The following TBRG1 variants were observed in gnomAD, a reference collection of about 807,000 sequenced individuals.
TBRG1 encodes the protein transforming growth factor beta regulator 1, also known as nuclear interactor of ARF and MDM2.
TBRG1 carries 31 observed loss-of-function variants against 44.0 expected under a neutral mutation model. That is an observed-to-expected ratio of 0.70 (90% CI 0.53 to 0.95). The LOEUF is 0.95. TBRG1 is among the 40% of genes least tolerant of loss of function. The pLI is 0.00. For missense variants in TBRG1, 487 were observed against 496.1 expected (o/e 0.98, Z 0.18); for synonymous variants, 171 against 188.1 (o/e 0.91, Z 0.74).
chr11:124,623,251 TC>T lies in TBRG1; in HGVS notation c.150+19del. The T allele has an allele frequency of 1.3e-6, 2 of 1,551,372 alleles. No homozygotes were observed. Among genetic ancestry groups the T allele is most frequent in the Non-Finnish European group, 1.7e-6 (2 of 1,146,974 alleles). ...CGGTGTTTGTGAGTCTGACCCACGT[TC>T]AGCCGGTCCCCTCCTGGAGACTCCC... On this transcript the variant is annotated intron_variant, in intron 1 of 8. Transcript: ENST00000441174.
In TBRG1 at chr11:124,624,961, C is replaced by A; in HGVS notation, c.181C>A (p.Arg61Ser). Residue 61 changes from arginine to serine, a missense_variant, in exon 2 of 9, where the codon CGT (arginine) becomes AGT (serine). Transcript: ENST00000441174. Reference sequence around the variant, plus strand: ...TGCTGCTATTTGTGATGAAATTGCTCGTCTTGAGGAAAAATTTCTTAAAGC... The same window carrying A: ...TGCTGCTATTTGTGATGAAATTGCTAGTCTTGAGGAAAAATTTCTTAAAGC... ...ENAAICDEIARLEEKFLKAKE... is the reference protein window; with the variant it reads ...ENAAICDEIASLEEKFLKAKE... The A allele has an allele frequency of 1.9e-6, 3 of 1,548,274 alleles. No individual in the cohort carries two copies. Among genetic ancestry groups the A allele is most frequent in the Non-Finnish European group, 2.6e-6 (3 of 1,145,014 alleles).
chr11:124,625,082 G>C (rs997253045), intron 2 of TBRG1, 81 bp downstream of exon 2: 21 of 1,026,316 alleles, frequency 2.0e-5, no homozygotes, highest in Admixed American at 7.2e-5. Flanking sequence ...CTGCTCTGGA[G>C]ACTTTTTTTC....
At position 124,623,011 on chromosome 11, in the gene TBRG1, GCGCTCCCGCC is replaced by G; in HGVS notation, c.-65_-56del. ...CGCTAGCCCGGAACAGACAAAGCCAGCGCTCCCGCCCGCTCCCCGACTTAGGATCCGATGC... is the reference window on the plus strand; with the variant it reads ...CGCTAGCCCGGAACAGACAAAGCCAGCGCTCCCCGACTTAGGATCCGATGC... On this transcript the variant is annotated 5_prime_UTR_variant, in exon 1 of 9. Transcript: ENST00000441174. 7.0e-7 allele frequency: 1 copy of G among 1,438,564 alleles called. No individual in the cohort carries two copies. Among genetic ancestry groups the G allele is most frequent in the Non-Finnish European group, 9.2e-7 (1 of 1,089,488 alleles). The allele number at this position is 1,438,564 out of a possible 1,614,324, so 89.1% of individuals were successfully genotyped here.
In TBRG1 at chr11:124,635,730, G is replaced by T. The variant is rs780785743; in HGVS notation, c.*3492G>T. ...AGGGGAGGAAAGCTACCCATAGATA[G>T]TATTCTTACTCCTTTTCACATGCTT... On this transcript the variant is annotated 3_prime_UTR_variant, in exon 9 of 9. Transcript: ENST00000441174. 6.6e-6 allele frequency: 1 copy of T among 152,166 alleles called. No individual in the cohort carries two copies. The highest frequency in any genetic ancestry group is 1.5e-5 in the Non-Finnish European group (1 of 68,036). The allele number at this position is 152,166 out of a possible 1,614,324, so 9.4% of individuals were successfully genotyped here.
In TBRG1 at chr11:124,633,652, A is replaced by G. The variant is rs1271105369; in HGVS notation, c.*1414A>G. 6.6e-6 allele frequency: 1 copy of G among 152,254 alleles called. No individual in the cohort carries two copies. Among genetic ancestry groups the G allele is most frequent in the Non-Finnish European group, 1.5e-5 (1 of 68,042 alleles). The allele number at this position is 152,254 out of a possible 1,614,324, so 9.4% of individuals were successfully genotyped here. On this transcript the variant is annotated 3_prime_UTR_variant, in exon 9 of 9. Coordinates refer to ENST00000441174, the MANE Select transcript of TBRG1 (RefSeq NM_032811.3). ...TAACTGGTATTTTATGATTTTGAGT[A>G]TAGTCTTTTTATAAGTTGTATACAC...
chr11:124,623,502 TTTAGTCATCG>T lies in TBRG1; in HGVS notation c.150+272_150+281del, dbSNP rs1268711298. The T allele has an allele frequency of 7.7e-6, 4 of 518,982 alleles. No homozygotes were observed. The Admixed American group carries it at 1.0e-4, about 13-fold the overall frequency. 32.1% of individuals were successfully genotyped at this position (518,982 alleles called of 1,614,324 possible). A position where few individuals can be genotyped will look rare whatever the true frequency, so the allele number is the denominator to read the frequency against. On this transcript the variant is annotated intron_variant, in intron 1 of 8. Coordinates refer to ENST00000441174, the MANE Select transcript of TBRG1 (RefSeq NM_032811.3). ...GTGCGTAAAAGACATACCAATAAAT[TTTAGTCATCG>T]TTGTTACTGCAGGACTCTAGGAAAT...
chr11:124,631,634 A>T lies in TBRG1; in HGVS notation c.1090+217A>T. The stretch of plus-strand genomic sequence containing the variant: ...CATGGGGAGCACCTGCGATCATAGT[A>T]AGGCAGGGTACCCCAGAAACTAAGG... On this transcript the variant is annotated intron_variant, in intron 8 of 8. Transcript: ENST00000441174. 5.1e-6 allele frequency: 3 copies of T among 588,568 alleles called. No individual in the cohort carries two copies. The South Asian group carries it at 6.0e-5, about 12-fold the overall frequency. 36.5% of individuals were successfully genotyped at this position (588,568 alleles called of 1,614,324 possible).
chr11:124,622,944 C>T lies in TBRG1; in HGVS notation c.-140C>T, dbSNP rs1680912510. The T allele has an allele frequency of 3.0e-6, 3 of 990,026 alleles. No homozygotes were observed. The highest frequency in any genetic ancestry group is 4.3e-6 in the Non-Finnish European group (3 of 694,064). 61.3% of individuals were successfully genotyped at this position (990,026 alleles called of 1,614,324 possible). ...GGTGTCTCTGGCCCTGCGGTCAGCCCTGGGAACGTCCCGGAGAGCTAGATT... is the reference window on the plus strand; with the variant it reads ...GGTGTCTCTGGCCCTGCGGTCAGCCTTGGGAACGTCCCGGAGAGCTAGATT... On this transcript the variant is annotated 5_prime_UTR_variant, in exon 1 of 9. Coordinates refer to ENST00000441174, the MANE Select transcript of TBRG1 (RefSeq NM_032811.3).
At chr11:124,631,508 A>G (rs886750957) in intron 8 of TBRG1, 91 bp downstream of exon 8, 8 of 1,321,672 alleles carry the variant, frequency 6.1e-6, no homozygotes, top group South Asian at 2.4e-5. Context: ...CTAAATATCT[A>G]TGCATTGAGT....
intron 1 of TBRG1, among the ~76,000 whole-genome samples, chr11:124,623,826 C>T (rs993060943): frequency 6.6e-6 from 1 of 152,164 alleles, no homozygotes; most frequent in African/African-American, 2.4e-5. Context: ...TGTAGAAGCA[C>T]TGGATTTATT....
intron 5 of TBRG1, among the ~76,000 whole-genome samples, chr11:124,627,505 T>A (rs962334154): frequency 7.2e-5 from 11 of 152,336 alleles, no homozygotes; most frequent in Admixed American, 5.9e-4. Context: ...TTTTTCATCC[T>A]TCTCAGTGCT....
intron 3 of TBRG1, 113 bp from the exon 4 acceptor site, chr11:124,626,360 A>G: frequency 1.0e-6 from 1 of 964,658 alleles, no homozygotes; most frequent in Non-Finnish European, 1.5e-6. Flanking sequence ...CCCATTCAGT[A>G]AGTATATAAA....
rs1249071830 is a variant in TBRG1, at chr11:124,631,329, G to A, written c.1002G>A (p.Glu334=). ...VCKPGDGQLP[E]GLPENDAAMS... Reference sequence around the variant, plus strand: ...AACCTGGAGATGGGCAGCTACCTGAGGGGCTGCCGGAGAATGATGCAGCTA... The same window carrying A: ...AACCTGGAGATGGGCAGCTACCTGAAGGGCTGCCGGAGAATGATGCAGCTA... The change falls in exon 8 of 9, where the codon GAG becomes GAA. Residue 334 remains glutamate (E), a synonymous_variant. Coordinates refer to ENST00000441174, the MANE Select transcript of TBRG1 (RefSeq NM_032811.3). 6.2e-7 allele frequency: 1 copy of A among 1,613,014 alleles called. No individual in the cohort carries two copies. The highest frequency in any genetic ancestry group is 1.7e-5 in the Admixed American group (1 of 59,900).
intron 1 of TBRG1, 97 bp from the exon 2 acceptor site, chr11:124,624,833 AC>A: frequency 2.5e-6 from 2 of 800,860 alleles, no homozygotes; most frequent in Non-Finnish European, 4.1e-6. Context: ...TCTCAGTAAT[AC>A]AAGCTTTTTT....
At position 124,635,687 on chromosome 11, in the gene TBRG1, T is replaced by G. The variant is rs1317120615; in HGVS notation, c.*3449T>G. On this transcript the variant is annotated 3_prime_UTR_variant, in exon 9 of 9. Coordinates refer to ENST00000441174, the MANE Select transcript of TBRG1 (RefSeq NM_032811.3). ...CAGTGAGTGATGCTTTTTGCTTTAG[T>G]TCTCATTTTTCACATTAAGGGGAGG... 1 of 152,232 alleles carries G rather than the reference T, an allele frequency of 6.6e-6. No homozygotes were observed. Among genetic ancestry groups the G allele is most frequent in the Non-Finnish European group, 1.5e-5 (1 of 68,042 alleles). The allele number at this position is 152,232 out of a possible 1,614,324, so 9.4% of individuals were successfully genotyped here. A position where few individuals can be genotyped will look rare whatever the true frequency, so the allele number is the denominator to read the frequency against.
Position 124,630,728 on chromosome 11 carries a change from A to ATCCCTC in TBRG1, c.837-13_837-8dup. The ATCCCTC allele has an allele frequency of 6.4e-7, 1 of 1,562,682 alleles. No homozygotes were observed. Among genetic ancestry groups the ATCCCTC allele is most frequent in the Non-Finnish European group, 8.8e-7 (1 of 1,141,720 alleles). The stretch of plus-strand genomic sequence containing the variant: ...CCCGCTAAGCTCTCAAACTAAAATT[A>ATCCCTC]TCCCTCTCCTGTTTAGGGGGAAACT... On this transcript the variant is annotated splice_polypyrimidine_tract_variant and intron_variant, in intron 6 of 8. Transcript: ENST00000441174.
In TBRG1 at chr11:124,623,128, G is replaced by T. The variant is rs1416097022; in HGVS notation, c.45G>T (p.Leu15=). The T allele has an allele frequency of 1.3e-6, 2 of 1,551,298 alleles. No homozygotes were observed. The highest frequency in any genetic ancestry group is 8.7e-7 in the Non-Finnish European group (1 of 1,147,004). ...TCGCTTCCTCGCCGCGGGCTCCGCT[G>T]CAGTCCAGCAAGGCCAGGATGAAAA... ...DGLASSPRAP[L]QSSKARMKKL... is the part of the protein sequence containing the mutation. The change falls in exon 1 of 9, where the codon CTG becomes CTT. Residue 15 remains leucine, a synonymous_variant. Transcript: ENST00000441174.
At chr11:124,628,747 CT>C (rs1565400910) in intron 5 of TBRG1, among the ~76,000 whole-genome samples, 1 of 152,068 alleles carries the variant, frequency 6.6e-6, no homozygotes, top group African/African-American at 2.4e-5. Flanking sequence ...GGGAGGGCAA[CT>C]TGGCAGTATC....
Position 124,633,191 on chromosome 11 carries a change from A to G in TBRG1, c.*953A>G, listed in dbSNP as rs936476074. 6.6e-6 allele frequency: 1 copy of G among 152,218 alleles called. No homozygotes were observed. The highest frequency in any genetic ancestry group is 6.5e-5 in the Admixed American group (1 of 15,290). The allele number at this position is 152,218 out of a possible 1,614,324, so 9.4% of individuals were successfully genotyped here. ...TAGCTCAGTACACTGAAACCATATG[A>G]TAACACAAATTCACATATAATTGGG... On this transcript the variant is annotated 3_prime_UTR_variant, in exon 9 of 9. Transcript: ENST00000441174.
Sources: allele counts gnomAD v4.1 joint callset (sites outside exome capture counted in the v4.1 genomes callset), GRCh38; gene constraint gnomAD v4.1.1; transcripts MANE v1.5; gene names NCBI Gene and HGNC (gene_info 2026-07-23, HGNC 2026-07-21).